Variants in GPR17 observed in about 807,000 individuals in gnomAD.
The protein encoded by GPR17 is G protein-coupled receptor 17, also known as uracil nucleotide/cysteinyl leukotriene receptor.
GPR17 carries 4 observed loss-of-function variants against 1.5 expected under a neutral mutation model. The ratio of observed to expected loss-of-function variants is 2.73; its 90% CI spans 1.35 to 6.25. The LOEUF (loss-of-function observed/expected upper bound fraction) is 6.25, where lower values mean the gene tolerates loss of function less well. Ranked by LOEUF, GPR17 falls within the 30% of genes most tolerant of loss-of-function variation. GPR17 has a pLI of 0.00. For synonymous variants in GPR17, 209 were observed against 207.6 expected, an observed-to-expected ratio of 1.01 and a Z score of -0.06; for missense variants, 463 against 462.1, an observed-to-expected ratio of 1.00 and a Z score of -0.02.
At chr2:127,649,773 G>A (rs2105263709) in intron 1 of GPR17, among the ~76,000 whole-genome samples, 1 of 152,346 alleles carries the variant, frequency 6.6e-6, no homozygotes, top group Admixed American at 6.5e-5. Context: ...CTGTCACAGG[G>A]CTCTGCACTT....
In GPR17 at chr2:127,647,201, C is replaced by CATTT. The variant is rs1558875167; in HGVS notation, c.-21+958_-21+961dup. Among the ~76,000 whole-genome samples, 2 of 152,186 alleles carry CATTT rather than the reference C, an allele frequency of 1.3e-5. No homozygotes were observed. The highest frequency in any genetic ancestry group is 3.9e-4 in the East Asian group (2 of 5,186). ...TTTTGAGCAAGGGGCTGCACATTCTCATTTCATACATGGGCCCCTAAAATG... is the reference window on the plus strand; with the variant it reads ...TTTTGAGCAAGGGGCTGCACATTCTCATTTATTTCATACATGGGCCCCTAAAATG... On this transcript the variant is annotated intron_variant, in intron 1 of 1. Transcript: ENST00000486700. The surrounding 1 kb of genome is among the most constrained non-coding windows in gnomAD (Gnocchi z 4.3).
rs921609656 is a variant in GPR17, at chr2:127,652,022, G to A, written c.*267G>A. 2 of 523,472 alleles carry A rather than the reference G, an allele frequency of 3.8e-6. No homozygotes were observed. 32.4% of individuals were successfully genotyped at this position (523,472 alleles called of 1,614,324 possible). ...TTCATCTGTGGCAGGGAGAGAGGAG[G>A]CCGGAAGAACAACCCCTGAACAATG... is the stretch of plus-strand genomic sequence containing the variant. On this transcript the variant is annotated 3_prime_UTR_variant, in exon 2 of 2. Transcript: ENST00000486700.
At chr2:127,648,212 G>A in intron 1 of GPR17, 2 of 985,224 alleles carry the variant, frequency 2.0e-6, no homozygotes, top group Non-Finnish European at 2.4e-6. Context: ...GTTCCTGGAA[G>A]CAGCAGGAAA....
At position 127,651,346 on chromosome 2, in the gene GPR17, C is replaced by T. The variant is rs375357809; in HGVS notation, c.611C>T (p.Pro204Leu). The T allele has an allele frequency of 9.9e-6, 16 of 1,611,758 alleles. No homozygotes were observed. The highest frequency in any genetic ancestry group is 8.0e-5 in the African/African-American group (6 of 74,946). Residue 204 changes from proline to leucine, a missense_variant, in exon 2 of 2, where the codon CCG (proline) becomes CTG (leucine). Pro to Leu is a moderately conservative substitution (Grantham distance 98). Coordinates refer to ENST00000486700, the MANE Select transcript of GPR17 (RefSeq NM_001161417.2). Reference protein sequence around the residue: ...LVSLAVAFTFPFITTVTCYLL... With the variant: ...LVSLAVAFTFLFITTVTCYLL... ...TCCCTGGCAGTGGCCTTCACCTTCC[C>T]GTTCATCACCACGGTCACCTGCTAC...
chr2:127,650,555 C>T (rs1573792227), intron 1 of GPR17, 161 bp from the exon 2 acceptor site: 1 of 607,638 alleles, frequency 1.6e-6, no homozygotes, highest in East Asian at 2.7e-5. Context: ...CGCTCACGCA[C>T]ACCAAATGGA....
chr2:127,652,049 A>G lies in GPR17; in HGVS notation c.*294A>G. On this transcript the variant is annotated 3_prime_UTR_variant, in exon 2 of 2. Coordinates refer to ENST00000486700, the MANE Select transcript of GPR17 (RefSeq NM_001161417.2). ...CGGAAGAACAACCCCTGAACAATGG[A>G]GGCCTTTCTTTCCCGCTAGGCTCCC... is the stretch of plus-strand genomic sequence containing the variant. 2.4e-6 allele frequency: 1 copy of G among 414,970 alleles called. No homozygotes were observed. The highest frequency in any genetic ancestry group is 4.5e-6 in the Non-Finnish European group (1 of 223,610). 25.7% of individuals were successfully genotyped at this position (414,970 alleles called of 1,614,324 possible).
At chr2:127,649,165 T>TAGGAAGGA (rs376330379) in intron 1 of GPR17, among the ~76,000 whole-genome samples, 4,539 of 134,260 alleles carry the variant, frequency 0.034, 85 homozygotes, top group East Asian at 0.068. Context: ...GAGAGGAAGG[T>TAGGAAGGA]AGGAAGGAAG....
intron 1 of GPR17, among the ~76,000 whole-genome samples, chr2:127,648,990 A>AGGGGAGGGAGGGGAGGGG (rs1558877578): frequency 6.9e-5 from 1 of 14,474 alleles, no homozygotes; most frequent in African/African-American, 2.5e-4. Flanking sequence ...AGGGGAGGGG[A>AGGGGAGGGAGGGGAGGGG]GGGAGGGGAG....
chr2:127,651,997 T>C lies in GPR17; in HGVS notation c.*242T>C, dbSNP rs1683852396. On this transcript the variant is annotated 3_prime_UTR_variant, in exon 2 of 2. Coordinates refer to ENST00000486700, the MANE Select transcript of GPR17 (RefSeq NM_001161417.2). ...CAATGGCTCCTAGACACTCAACGAC[T>C]TCATCTGTGGCAGGGAGAGAGGAGG... 2 of 557,634 alleles carry C rather than the reference T, an allele frequency of 3.6e-6. No individual in the cohort carries two copies. The highest frequency in any genetic ancestry group is 5.4e-5 in the South Asian group (2 of 37,306). 34.5% of individuals were successfully genotyped at this position (557,634 alleles called of 1,614,324 possible).
At chr2:127,650,673 T>C (rs1683654372) in intron 1 of GPR17, 43 bp from the exon 2 acceptor site, 3 of 1,375,054 alleles carry the variant, frequency 2.2e-6, no homozygotes, top group Non-Finnish European at 3.0e-6. Context: ...TGAAGCTGCC[T>C]AGATCGCAAG....
intron 1 of GPR17, chr2:127,650,100 A>G (rs376907036): frequency 6.3e-6 from 10 of 1,587,934 alleles, no homozygotes; most frequent in Non-Finnish European, 6.0e-6. Flanking sequence ...TAGACCTCTG[A>G]CGTCCCAGGG....
At chr2:127,650,298 G>A (rs112855149) in intron 1 of GPR17, 15 of 576,924 alleles carry the variant, frequency 2.6e-5, no homozygotes, top group African/African-American at 5.6e-5. Flanking sequence ...CTGGAATCCC[G>A]GAGACACACT....
In GPR17 at chr2:127,652,088, C is replaced by A; in HGVS notation, c.*333C>A. 1 of 342,766 alleles carries A rather than the reference C, an allele frequency of 2.9e-6. No homozygotes were observed. Among genetic ancestry groups the A allele is most frequent in the East Asian group, 5.6e-5 (1 of 17,930 alleles). 21.2% of individuals were successfully genotyped at this position (342,766 alleles called of 1,614,324 possible). On this transcript the variant is annotated 3_prime_UTR_variant, in exon 2 of 2. Transcript: ENST00000486700. ...CGCTAGGCTCCCAGCCTCCTTCCCG[C>A]TACAGAATCGCTCATCGGCGAGGCT... is the stretch of plus-strand genomic sequence containing the variant.
chr2:127,650,647 T>C (rs1254455529), intron 1 of GPR17, 69 bp from the exon 2 acceptor site: 8 of 1,124,072 alleles, frequency 7.1e-6, no homozygotes, highest in African/African-American at 1.5e-5. Flanking sequence ...GCCTGACTTC[T>C]GGACTTCAGA....
chr2:127,650,821 T>G lies in GPR17; in HGVS notation c.86T>G (p.Leu29Arg), dbSNP rs1558881103. The G allele has an allele frequency of 6.2e-6, 10 of 1,613,994 alleles. No individual in the cohort carries two copies. The highest frequency in any genetic ancestry group is 8.5e-6 in the Non-Finnish European group (10 of 1,179,888). Reference sequence around the variant, plus strand: ...GAGCAATGTGGCCAGGAGACGCCACTGGAGAACATGCTGTTCGCCTCCTTC... The same window carrying G: ...GAGCAATGTGGCCAGGAGACGCCACGGGAGAACATGCTGTTCGCCTCCTTC... Reference protein sequence around the residue: ...TAEQCGQETPLENMLFASFYL... With the variant: ...TAEQCGQETPRENMLFASFYL... The change falls in exon 2 of 2, where the codon CTG becomes CGG. Residue 29 changes from leucine (L) to arginine (R), a missense_variant. By Grantham distance (102) the Leu-to-Arg change is moderately radical (BLOSUM62 -2). Coordinates refer to ENST00000486700, the MANE Select transcript of GPR17 (RefSeq NM_001161417.2).
chr2:127,650,047 G>A (rs1683565348), intron 1 of GPR17: 1 of 1,608,446 alleles, frequency 6.2e-7, no homozygotes, highest in Non-Finnish European at 8.5e-7. Flanking sequence ...GATCCAGAAA[G>A]CCCCCAAGAG....
At chr2:127,648,201 T>G in intron 1 of GPR17, 1 of 985,430 alleles carries the variant, frequency 1.0e-6, no homozygotes, top group South Asian at 4.7e-5. Flanking sequence ...GAACAGACCC[T>G]GTTCCTGGAA....
In GPR17 at chr2:127,651,117, G is replaced by T. The variant is rs200325251; in HGVS notation, c.382G>T (p.Asp128Tyr). 3.5e-5 allele frequency: 57 copies of T among 1,613,312 alleles called. No homozygotes were observed. Among genetic ancestry groups the T allele is most frequent in the Non-Finnish European group, 4.8e-5 (57 of 1,180,012 alleles). The change falls in exon 2 of 2, where the codon GAC becomes TAC. Residue 128 changes from aspartate (D) to tyrosine (Y), a missense_variant. Physicochemically the swap from Asp to Tyr is radical, Grantham distance 160. Transcript: ENST00000486700. ...SIYFLTCISA[D>Y]RFLAIVHPVK... ...CTACTTCCTCACCTGCATCAGCGCC[G>T]ACCGTTTCCTGGCCATTGTGCACCC... is the stretch of plus-strand genomic sequence containing the variant.
rs982436690 is a variant in GPR17 at position 127,652,177 on chromosome 2, G to C, written c.*422G>C. The C allele has an allele frequency of 3.5e-5, 8 of 227,966 alleles. No homozygotes were observed. Among genetic ancestry groups the C allele is most frequent in the African/African-American group, 1.8e-4 (8 of 43,848 alleles). The allele number at this position is 227,966 out of a possible 1,614,324, so 14.1% of individuals were successfully genotyped here. A position where few individuals can be genotyped will look rare whatever the true frequency, so the allele number is the denominator to read the frequency against. Reference sequence around the variant, plus strand: ...GAAGAGGGACCTGGGAGTCCTGGTGGGGACGGGGAGGGAGTCTCAATACTC... The same window carrying C: ...GAAGAGGGACCTGGGAGTCCTGGTGCGGACGGGGAGGGAGTCTCAATACTC... On this transcript the variant is annotated 3_prime_UTR_variant, in exon 2 of 2. Coordinates refer to ENST00000486700, the MANE Select transcript of GPR17 (RefSeq NM_001161417.2).
Sources: gnomAD v4.1 joint callset for allele counts (sites outside exome capture counted in the v4.1 genomes callset) on GRCh38, gnomAD v4.1.1 for gene constraint, Gnocchi (gnomAD v3.1) non-coding constraint, MANE v1.5 for transcripts, NCBI Gene and HGNC (gene_info 2026-07-23, HGNC 2026-07-21) for gene names.